RUNX3: variants seen among roughly 807,000 people sequenced by gnomAD.
RUNX3 encodes the protein RUNX family transcription factor 3.
RUNX3 carries 10 observed loss-of-function variants against 27.7 expected under a neutral mutation model. The observed-to-expected ratio is 0.36, with a 90% confidence interval of 0.22 to 0.61. RUNX3 has a LOEUF of 0.61. Among genes scored for constraint, RUNX3 ranks in the 20% least tolerant of loss-of-function variants. RUNX3 has a pLI of 0.72. For missense variants in RUNX3, 469 were observed against 629.5 expected, an observed-to-expected ratio of 0.75 and a Z score of 2.73; for synonymous variants, 270 against 269.2, an observed-to-expected ratio of 1.00 and a Z score of -0.03.
chr1:24,936,267 T>C (rs1220575170), intron 2 of RUNX3, among the ~76,000 whole-genome samples: 1 of 152,126 alleles, frequency 6.6e-6, no homozygotes, highest in Non-Finnish European at 1.5e-5. Context: ...CAGTTATCAC[T>C]CCCATTTTAC....
chr1:24,919,190 C>A (rs768239216), intron 3 of RUNX3, 50 bp downstream of exon 3: 12 of 1,216,602 alleles, frequency 9.9e-6, no homozygotes, highest in South Asian at 9.0e-5. Context: ...CCTTCCCGCA[C>A]TGGACCCTCC....
intron 2 of RUNX3, among the ~76,000 whole-genome samples, chr1:24,937,376 G>A (rs1571335108): frequency 1.3e-5 from 2 of 152,200 alleles, no homozygotes; most frequent in East Asian, 3.8e-4. Context: ...AGCCAGTCCT[G>A]ACCACAAATC....
At chr1:24,953,523 C>T (rs1475400528) in intron 2 of RUNX3, among the ~76,000 whole-genome samples, 2 of 151,814 alleles carry the variant, frequency 1.3e-5, no homozygotes, top group Non-Finnish European at 2.9e-5. Flanking sequence ...AAATTCAGTT[C>T]CTCAGTTACA....
intron 1 of RUNX3, 108 bp downstream of exon 1, chr1:24,929,479 G>A: frequency 8.7e-7 from 1 of 1,143,662 alleles, no homozygotes; most frequent in South Asian, 1.3e-5. Context: ...TGTCGCCGCG[G>A]CGTCTCGGGC....
intron 2 of RUNX3, among the ~76,000 whole-genome samples, chr1:24,924,688 T>C (rs1290497053): frequency 2.6e-5 from 4 of 152,242 alleles, no homozygotes; most frequent in Non-Finnish European, 5.9e-5. Flanking sequence ...TGTTTTATTA[T>C]AAATTACTTT....
chr1:24,917,103 G>C (rs1640904405), intron 3 of RUNX3, among the ~76,000 whole-genome samples: 1 of 152,174 alleles, frequency 6.6e-6, no homozygotes, highest in African/African-American at 2.4e-5. Context: ...AGGGCTCTCA[G>C]AGGGGCCAAC....
chr1:24,947,524 C>A (rs1571348273), intron 2 of RUNX3, among the ~76,000 whole-genome samples: 1 of 152,202 alleles, frequency 6.6e-6, no homozygotes, highest in Non-Finnish European at 1.5e-5. Context: ...CAAGCCCGGT[C>A]TTTGAGGGGT....
At chr1:24,949,125 C>T (rs1476721741) in intron 2 of RUNX3, among the ~76,000 whole-genome samples, 2 of 152,044 alleles carry the variant, frequency 1.3e-5, no homozygotes, top group Non-Finnish European at 2.9e-5. Flanking sequence ...TTCATTCCCA[C>T]ATACTGGAGC....
intron 2 of RUNX3, among the ~76,000 whole-genome samples, chr1:24,963,930 C>T (rs1259765702): frequency 6.6e-6 from 1 of 152,210 alleles, no homozygotes; most frequent in Non-Finnish European, 1.5e-5. Context: ...CGAACTTTCT[C>T]GAGGTCTGTC....
At chr1:24,906,551 G>C (rs527710774) in intron 4 of RUNX3, among the ~76,000 whole-genome samples, 14 of 152,294 alleles carry the variant, frequency 9.2e-5, no homozygotes, top group South Asian at 6.2e-4. Context: ...TTTAGTGAGC[G>C]GCTACTATGC....
At chr1:24,955,306 T>G (rs909055161) in intron 2 of RUNX3, among the ~76,000 whole-genome samples, 23 of 152,068 alleles carry the variant, frequency 1.5e-4, no homozygotes, top group Admixed American at 1.5e-3. Flanking sequence ...AGAGAAGATA[T>G]CTTCCGGGCA....
chr1:24,947,005 C>T (rs1359501915), intron 2 of RUNX3, among the ~76,000 whole-genome samples: 1 of 152,178 alleles, frequency 6.6e-6, no homozygotes, highest in Non-Finnish European at 1.5e-5. Context: ...GTCTGAGGGT[C>T]CTCTGGACCT....
rs1034403258 is a variant in RUNX3, at chr1:24,960,227, C to T, written c.58+4287G>A. Among the ~76,000 whole-genome samples the T allele has an allele frequency of 1.7e-4, 26 of 152,232 alleles. 1 individual carries two copies. On this transcript the variant is annotated intron_variant, in intron 2 of 6. Coordinates refer to the RUNX3 transcript ENST00000338888. ...TTCCCCCGGGCTCCCAGTACAAGGC[C>T]ATGCTCATGGTGTTCATCAAATGGA...
In RUNX3 at chr1:24,923,154, CCT is replaced by C. The variant is rs1265466421; in HGVS notation, c.440-3812_440-3811del. 1.3e-5 allele frequency among the ~76,000 whole-genome samples: 2 copies of C among 152,176 alleles called. No individual in the cohort carries two copies. The highest frequency in any genetic ancestry group is 4.8e-5 in the African/African-American group (2 of 41,432). ...ACCAGGTAGCAAACCACATGCCACC[CCT>C]GAGGTCACCAGCACTCCTCGGCCGC... is the stretch of plus-strand genomic sequence containing the variant. On this transcript the variant is annotated intron_variant, in intron 2 of 4. Coordinates refer to ENST00000308873, the MANE Select transcript of RUNX3 (RefSeq NM_004350.3). This position sits in a 1 kb window ranked among gnomAD's most constrained non-coding sequence, Gnocchi z 5.9.
At chr1:24,952,952 AT>A (rs758892170) in intron 2 of RUNX3, among the ~76,000 whole-genome samples, 10 of 149,992 alleles carry the variant, frequency 6.7e-5, no homozygotes, top group African/African-American at 1.7e-4. Flanking sequence ...AAACTCAGGT[AT>A]TTTTTTTTTC....
At chr1:24,951,230 A>C (rs955082380) in intron 2 of RUNX3, among the ~76,000 whole-genome samples, 1 of 142,568 alleles carries the variant, frequency 7.0e-6, no homozygotes, top group Non-Finnish European at 1.5e-5. Flanking sequence ...AAAATAAGGC[A>C]GCATGGGTGC....
chr1:24,955,462 C>T (rs1337971830), intron 2 of RUNX3, among the ~76,000 whole-genome samples: 4 of 152,148 alleles, frequency 2.6e-5, no homozygotes, highest in African/African-American at 9.7e-5. Flanking sequence ...GTGGTGATGC[C>T]CAGCACACGG....
chr1:24,931,863 CT>C (rs1641237677), upstream of RUNX3, among the ~76,000 whole-genome samples: 1 of 152,358 alleles, frequency 6.6e-6, no homozygotes, highest in Admixed American at 6.5e-5. Context: ...CTTACTGAAC[CT>C]TTTAAGAGAG....
intron 2 of RUNX3, among the ~76,000 whole-genome samples, chr1:24,922,613 AATACATTGAAT>A (rs1316238263): frequency 1.3e-5 from 2 of 152,108 alleles, no homozygotes; most frequent in African/African-American, 4.8e-5. Flanking sequence ...GATCTTATTT[AATACATTGAAT>A]AAAGCAGCAC....
Sources: allele counts gnomAD v4.1 joint callset (sites outside exome capture counted in the v4.1 genomes callset), GRCh38; gene constraint gnomAD v4.1.1; non-coding constraint Gnocchi (gnomAD v3.1); transcripts MANE v1.5; gene names NCBI Gene and HGNC (gene_info 2026-07-23, HGNC 2026-07-21).